SLIT3: variants seen among roughly 807,000 people sequenced by gnomAD.
The protein encoded by SLIT3 is slit guidance ligand 3.
A neutral mutation model predicts 184.0 loss-of-function variants in SLIT3; 68 were observed. That is an observed-to-expected ratio of 0.37 (90% CI 0.30 to 0.45). SLIT3 has a LOEUF of 0.45. Among genes scored for constraint, SLIT3 ranks in the 20% least tolerant of loss-of-function variants. The pLI, the probability that SLIT3 is intolerant of heterozygous loss-of-function variation, is 1.00. For synonymous variants in SLIT3, 831 were observed against 828.6 expected (o/e 1.00, Z -0.05); for missense variants, 1,707 against 2,026.0 (o/e 0.84, Z 3.02).
At chr5:168,823,073 C>T (rs1206101156) in intron 7 of SLIT3, among the ~76,000 whole-genome samples, 187 bp downstream of exon 7, 1 of 152,186 alleles carries the variant, frequency 6.6e-6, no homozygotes, top group African/African-American at 2.4e-5. Flanking sequence ...TTGGTGGCAC[C>T]ATGACCTGAC....
At chr5:168,762,790 T>TG (rs1344947122) in intron 14 of SLIT3, 101 bp from the exon 15 acceptor site, 3 of 1,193,564 alleles carry the variant, frequency 2.5e-6, no homozygotes, top group South Asian at 2.6e-5. Flanking sequence ...GGGAATGAGT[T>TG]GGGGGCTGTT....
intron 3 of SLIT3, among the ~76,000 whole-genome samples, chr5:169,193,846 C>T (rs1763651416): frequency 6.6e-6 from 1 of 152,172 alleles, no homozygotes; most frequent in African/African-American, 2.4e-5. Context: ...TATTCCTTCC[C>T]ATGGACTCCA....
chr5:168,672,954 C>T (rs572851900), intron 33 of SLIT3, among the ~76,000 whole-genome samples: 3 of 152,222 alleles, frequency 2.0e-5, no homozygotes, highest in South Asian at 4.1e-4. Flanking sequence ...CCCGTCACAA[C>T]GTGTAGTTTC....
chr5:168,820,718 G>A (rs1486300928), intron 7 of SLIT3, among the ~76,000 whole-genome samples: 1 of 152,112 alleles, frequency 6.6e-6, no homozygotes, highest in Non-Finnish European at 1.5e-5. Flanking sequence ...ATTCCATGTT[G>A]ATGAAACCAC....
At chr5:169,015,563 T>G (rs1203584894) in intron 4 of SLIT3, among the ~76,000 whole-genome samples, 1 of 152,142 alleles carries the variant, frequency 6.6e-6, no homozygotes, top group East Asian at 1.9e-4. Context: ...TCTAACCTTA[T>G]TGATAAAATT....
intron 1 of SLIT3, among the ~76,000 whole-genome samples, chr5:169,266,373 C>A (rs1016028052): frequency 1.3e-5 from 2 of 152,156 alleles, no homozygotes; most frequent in African/African-American, 2.4e-5. Context: ...TTTCCTGTGC[C>A]CTTTGAATCT....
At chr5:168,867,820 T>C (rs1435041433) in intron 5 of SLIT3, among the ~76,000 whole-genome samples, 2 of 150,262 alleles carry the variant, frequency 1.3e-5, no homozygotes, top group Non-Finnish European at 3.0e-5. Flanking sequence ...CTTGCTAACA[T>C]ATTAGCAAGA....
intron 3 of SLIT3, among the ~76,000 whole-genome samples, chr5:169,213,921 G>A (rs895926963): frequency 6.6e-6 from 1 of 152,226 alleles, no homozygotes; most frequent in African/African-American, 2.4e-5. Context: ...GGAGAAAGAG[G>A]TGTGGAATAA....
intron 3 of SLIT3, among the ~76,000 whole-genome samples, chr5:169,212,388 T>A (rs10061980): frequency 0.31 from 46,458 of 152,090 alleles, 8,069 homozygotes; most frequent in East Asian, 0.69. Context: ...TGAGCTTTTT[T>A]TCATGTTTGT....
At chr5:168,730,275 A>G (rs1331033535) in intron 20 of SLIT3, among the ~76,000 whole-genome samples, 1 of 152,124 alleles carries the variant, frequency 6.6e-6, no homozygotes, top group African/African-American at 2.4e-5. Flanking sequence ...ATACAATAAT[A>G]GTAGGGTCTT....
Position 168,678,054 on chromosome 5 carries a change from C to G in SLIT3, c.3687-4723G>C, listed in dbSNP as rs1446807188. Among the ~76,000 whole-genome samples, 6 of 152,174 alleles carry G rather than the reference C, an allele frequency of 3.9e-5. No homozygotes were observed. The South Asian group carries it at 1.2e-3, about 31-fold the overall frequency. ...TTTTAGGGAAGGAAGCTAAGTAACC[C>G]GATAGGGGCCACACTGCTAAGAAGT... is the stretch of plus-strand genomic sequence containing the variant. On this transcript the variant is annotated intron_variant, in intron 32 of 35. Coordinates refer to ENST00000519560, the MANE Select transcript of SLIT3 (RefSeq NM_003062.4).
intron 12 of SLIT3, 95 bp from the exon 13 acceptor site, chr5:168,774,473 A>G: frequency 7.7e-7 from 1 of 1,299,198 alleles, no homozygotes; most frequent in Non-Finnish European, 1.1e-6. Flanking sequence ...CAAAGCTCCC[A>G]TCACTCATCC....
At chr5:168,939,454 G>A (rs746008624) in intron 4 of SLIT3, among the ~76,000 whole-genome samples, 10 of 152,194 alleles carry the variant, frequency 6.6e-5, no homozygotes, top group Non-Finnish European at 1.3e-4. Context: ...AAAGGCTTAA[G>A]ATGATCTAAG....
chr5:168,975,032 C>T (rs1224716307), intron 4 of SLIT3, among the ~76,000 whole-genome samples: 1 of 152,214 alleles, frequency 6.6e-6, no homozygotes, highest in African/African-American at 2.4e-5. Context: ...CATCCTCAGA[C>T]TGGTGCTCCA....
At position 169,100,255 on chromosome 5, in the gene SLIT3, C is replaced by G. The variant is rs568470176; in HGVS notation, c.413+93224G>C. 1.4e-4 allele frequency among the ~76,000 whole-genome samples: 22 copies of G among 152,262 alleles called. No individual in the cohort carries two copies. The South Asian group carries it at 3.1e-3, about 22-fold the overall frequency. Reference sequence around the variant, plus strand: ...TTGGGCCCAAGAAAACAGTGGTAAACAGCATGAGTCAGACGGGAAGGAGAG... The same window carrying G: ...TTGGGCCCAAGAAAACAGTGGTAAAGAGCATGAGTCAGACGGGAAGGAGAG... On this transcript the variant is annotated intron_variant, in intron 4 of 35. Coordinates refer to ENST00000519560, the MANE Select transcript of SLIT3 (RefSeq NM_003062.4).
chr5:169,089,978 C>A (rs1239858657), intron 4 of SLIT3, among the ~76,000 whole-genome samples: 1 of 152,186 alleles, frequency 6.6e-6, no homozygotes, highest in East Asian at 1.9e-4. Flanking sequence ...ATCAAAACCA[C>A]TTCAGGTATT....
chr5:169,076,780 TAAGCAG>T lies in SLIT3; in HGVS notation c.413+116693_413+116698del, dbSNP rs905237961. Among the ~76,000 whole-genome samples the T allele has an allele frequency of 1.1e-4, 17 of 152,308 alleles. No individual in the cohort carries two copies. The South Asian group carries it at 2.1e-3, about 19-fold the overall frequency. ...TCTTTTTAAATTTAAAGACTTGAGC[TAAGCAG>T]AAATAGAATCTAGTTCAATTCATCG... On this transcript the variant is annotated intron_variant, in intron 4 of 35. Coordinates refer to ENST00000519560, the MANE Select transcript of SLIT3 (RefSeq NM_003062.4).
intron 4 of SLIT3, among the ~76,000 whole-genome samples, chr5:169,027,694 A>G (rs1010235228): frequency 4.6e-5 from 7 of 152,342 alleles, no homozygotes; most frequent in Middle Eastern, 3.4e-3. Flanking sequence ...AGGCCGAGGC[A>G]GGCGAGGGAC....
At chr5:168,849,844 G>C (rs1758607524) in intron 5 of SLIT3, among the ~76,000 whole-genome samples, 1 of 152,108 alleles carries the variant, frequency 6.6e-6, no homozygotes, top group African/African-American at 2.4e-5. Context: ...AGAAAACCAG[G>C]GGAATCCCTG....
Sources: allele counts gnomAD v4.1 joint callset (sites outside exome capture counted in the v4.1 genomes callset), GRCh38; gene constraint gnomAD v4.1.1; transcripts MANE v1.5; gene names NCBI Gene and HGNC (gene_info 2026-07-23, HGNC 2026-07-21).